TRPC6: variants seen among roughly 807,000 people sequenced by gnomAD.
TRPC6 encodes transient receptor potential cation channel subfamily C member 6.
TRPC6 carries 55 observed loss-of-function variants against 90.7 expected under a neutral mutation model. The ratio of observed to expected loss-of-function variants is 0.61; its 90% CI spans 0.49 to 0.76. The LOEUF is 0.76. Ranked by LOEUF, TRPC6 falls within the 30% of genes least tolerant of loss-of-function variation. The pLI, the probability that TRPC6 is intolerant of heterozygous loss-of-function variation, is 0.00. For missense variants in TRPC6, 989 were observed against 1,122.7 expected (o/e 0.88, Z 1.70); for synonymous variants, 393 against 393.0 (o/e 1.00, Z 0.00).
intron 11 of TRPC6, among the ~76,000 whole-genome samples, chr11:101,454,024 A>G (rs1858826808): frequency 6.6e-6 from 1 of 152,170 alleles, no homozygotes; most frequent in Admixed American, 6.5e-5. Context: ...GTATTAGAGT[A>G]AGACAGTCTT....
chr11:101,474,720 T>C (rs1380396593), intron 6 of TRPC6, among the ~76,000 whole-genome samples: 1 of 152,164 alleles, frequency 6.6e-6, no homozygotes, highest in Non-Finnish European at 1.5e-5. Context: ...TGTTAACTAA[T>C]TTCTTATCAG....
Position 101,451,845 on chromosome 11 carries a change from G to A in TRPC6, c.*1110C>T, listed in dbSNP as rs1858770358. The A allele has an allele frequency of 6.6e-6, 1 of 152,146 alleles. No homozygotes were observed. Among genetic ancestry groups the A allele is most frequent in the South Asian group, 2.1e-4 (1 of 4,828 alleles). 9.4% of individuals were successfully genotyped at this position (152,146 alleles called of 1,614,324 possible). On this transcript the variant is annotated 3_prime_UTR_variant, in exon 13 of 13. Transcript: ENST00000344327. ...TCCTCTGAATGCCAATGGTCTTTGA[G>A]TAAACATATGAACCTTCATCGCTTT...
chr11:101,476,684 C>G (rs765941928), intron 5 of TRPC6, 150 bp from the exon 6 acceptor site: 1 of 716,950 alleles, frequency 1.4e-6, no homozygotes, highest in African/African-American at 1.7e-5. Flanking sequence ...ATTCCCATAT[C>G]CTCACAAATA....
In TRPC6 at chr11:101,452,419, G is replaced by GTATCAATCA. The variant is rs1858784167; in HGVS notation, c.*527_*535dup. ...GATGTAAGACCATTTTGTATGAACG[G>GTATCAATCA]TATCAATCATGTGCATTGAGGGATA... On this transcript the variant is annotated 3_prime_UTR_variant, in exon 13 of 13. Transcript: ENST00000344327. The GTATCAATCA allele has an allele frequency of 6.4e-6, 1 of 156,802 alleles. No individual in the cohort carries two copies. Among genetic ancestry groups the GTATCAATCA allele is most frequent in the African/African-American group, 2.4e-5 (1 of 41,454 alleles). 9.7% of individuals were successfully genotyped at this position (156,802 alleles called of 1,614,324 possible).
rs1860201449 is a variant in TRPC6 at position 101,504,312 on chromosome 11, A to ATG, written c.656_657insCA (p.Val220MetfsTer2). 1 of 1,613,834 alleles carries ATG rather than the reference A, an allele frequency of 6.2e-7. No individual in the cohort carries two copies. Among genetic ancestry groups the ATG allele is most frequent in the African/African-American group, 1.3e-5 (1 of 74,926 alleles). ...GGGCAGCCAGAATGATTGGAGTCAC[A>ATG]TCATGGGAGAACCGTGTCCCATCTT... On this transcript the variant is annotated frameshift_variant, in exon 2 of 13. Transcript: ENST00000344327. LOFTEE classifies it high-confidence loss of function.
intron 1 of TRPC6, among the ~76,000 whole-genome samples, chr11:101,548,262 C>CATAT (rs10633400): frequency 9.9e-4 from 97 of 98,130 alleles, no homozygotes; most frequent in African/African-American, 1.3e-3. Flanking sequence ...TATATATATA[C>CATAT]ATATATATAT....
intron 10 of TRPC6, among the ~76,000 whole-genome samples, chr11:101,457,352 AGTTT>A (rs1858907743): frequency 3.3e-5 from 5 of 152,166 alleles, no homozygotes; most frequent in South Asian, 2.1e-4. Context: ...CCTAATAATT[AGTTT>A]GATATTAACA....
chr11:101,568,694 A>T (rs59742038), intron 1 of TRPC6, among the ~76,000 whole-genome samples: 2 of 152,058 alleles, frequency 1.3e-5, no homozygotes, highest in Non-Finnish European at 2.9e-5. Flanking sequence ...GCTAGGAGAG[A>T]GGAGGGGCCA....
rs201368333 is a variant in TRPC6 at position 101,504,296 on chromosome 11, G to C, written c.673C>G (p.Leu225Val). The C allele has an allele frequency of 5.3e-5, 85 of 1,613,084 alleles. No individual in the cohort carries two copies. The highest frequency in any genetic ancestry group is 7.0e-5 in the Non-Finnish European group (83 of 1,179,200). ...TCATATTCCTGGCAGTGGGCAGCCA[G>C]AATGATTGGAGTCACATCATGGGAG... ...RFSHDVTPII[L>V]AAHCQEYEIV... is the part of the protein sequence containing the mutation. Residue 225 changes from leucine to valine, a missense_variant, in exon 2 of 13, where the codon CTG becomes GTG. Physicochemically the swap from Leu to Val is conservative, Grantham distance 32 (BLOSUM62 1). Coordinates refer to ENST00000344327, the MANE Select transcript of TRPC6 (RefSeq NM_004621.6).
chr11:101,576,703 A>G (rs968543709), intron 1 of TRPC6, among the ~76,000 whole-genome samples: 1 of 152,204 alleles, frequency 6.6e-6, no homozygotes, highest in Non-Finnish European at 1.5e-5. Flanking sequence ...ATAAGAATGG[A>G]CTCAAGAAAA....
In TRPC6 at chr11:101,473,797, G is replaced by T. The variant is rs192181191; in HGVS notation, c.1745-24C>A. On this transcript the variant is annotated intron_variant, in intron 6 of 12. Transcript: ENST00000344327. ...GGCTAGGAAAAAGCAAAGACAAAGA[G>T]TTGTGTGAGTTTCTTCAAGTTTTTT... 1.2e-5 allele frequency: 20 copies of T among 1,613,088 alleles called. No individual in the cohort carries two copies. In the East Asian group the frequency reaches 4.5e-4, roughly 36 times the overall value.
At chr11:101,551,709 G>A (rs1347030916) in intron 1 of TRPC6, among the ~76,000 whole-genome samples, 1 of 151,912 alleles carries the variant, frequency 6.6e-6, no homozygotes, top group Non-Finnish European at 1.5e-5. Flanking sequence ...TGGGTCTAGA[G>A]TTTCTACACA....
intron 1 of TRPC6, among the ~76,000 whole-genome samples, chr11:101,575,269 C>G (rs1862047924): frequency 6.6e-6 from 1 of 152,196 alleles, no homozygotes; most frequent in South Asian, 2.1e-4. Flanking sequence ...GTTTGTGGAT[C>G]TTTGGTAACA....
Position 101,458,310 on chromosome 11 carries a change from T to C in TRPC6, c.2485-3209A>G, listed in dbSNP as rs1056739254. ...CTTTTTACTGATGTGCCCAAGTCCA[T>C]GACTAAGTCCTTCAGGGAATGAAAT... On this transcript the variant is annotated intron_variant, in intron 10 of 12. Coordinates refer to ENST00000344327, the MANE Select transcript of TRPC6 (RefSeq NM_004621.6). Among the ~76,000 whole-genome samples the C allele has an allele frequency of 2.0e-5, 3 of 152,184 alleles. 1 individual carries two copies. Among genetic ancestry groups the C allele is most frequent in the African/African-American group, 7.2e-5 (3 of 41,460 alleles).
In TRPC6 at chr11:101,504,638, T is replaced by G. The variant is rs752036394; in HGVS notation, c.331A>C (p.Ile111Leu). Reference sequence around the variant, plus strand: ...TCTAACATCTTCCGCACCACTGGGATGTTACCATATTCAGCTGCATCCAAA... The same window carrying G: ...TCTAACATCTTCCGCACCACTGGGAGGTTACCATATTCAGCTGCATCCAAA... ...RFLDAAEYGN[I>L]PVVRKMLEEC... The change falls in exon 2 of 13, where the codon ATC becomes CTC. Residue 111 changes from isoleucine to leucine, a missense_variant. Physicochemically the swap from Ile to Leu is conservative, Grantham distance 5. This residue lies in a region of TRPC6 where 486 missense variants were observed against 591.9 expected (regional missense o/e 0.82). Coordinates refer to ENST00000344327, the MANE Select transcript of TRPC6 (RefSeq NM_004621.6). 1.9e-6 allele frequency: 3 copies of G among 1,611,414 alleles called. No homozygotes were observed. In the South Asian group the frequency reaches 3.3e-5, roughly 18 times the overall value.
intron 1 of TRPC6, among the ~76,000 whole-genome samples, chr11:101,536,016 G>C (rs1024746912): frequency 2.0e-5 from 3 of 152,120 alleles, no homozygotes; most frequent in Non-Finnish European, 2.9e-5. Flanking sequence ...CTAGGAAATG[G>C]GGAAACTGTG....
intron 3 of TRPC6, among the ~76,000 whole-genome samples, chr11:101,489,839 G>A (rs1859764211): frequency 6.6e-6 from 1 of 152,030 alleles, no homozygotes. Flanking sequence ...AATCTTAAGG[G>A]TGGTTAACCT....
chr11:101,565,119 GA>G (rs1861800777), intron 1 of TRPC6, among the ~76,000 whole-genome samples: 1 of 151,862 alleles, frequency 6.6e-6, no homozygotes, highest in Non-Finnish European at 1.5e-5. Flanking sequence ...GAACACATAG[GA>G]AAAAAGCTCC....
At chr11:101,517,330 A>G (rs540803145) in intron 1 of TRPC6, among the ~76,000 whole-genome samples, 1 of 152,352 alleles carries the variant, frequency 6.6e-6, no homozygotes, top group Admixed American at 6.5e-5. Flanking sequence ...TTTTCCACGG[A>G]CAAATTATTC....
Sources: gnomAD v4.1 joint callset for allele counts (sites outside exome capture counted in the v4.1 genomes callset) on GRCh38, gnomAD v4.1.1 for gene constraint, gnomAD v4.1.1 regional missense constraint, MANE v1.5 for transcripts, NCBI Gene and HGNC (gene_info 2026-07-23, HGNC 2026-07-21) for gene names.